REEP3: variants seen among roughly 807,000 people sequenced by gnomAD.
REEP3 encodes receptor expression-enhancing protein 3.
Under a neutral mutation model 41.3 loss-of-function variants are expected in REEP3, and 20 were observed. That is an observed-to-expected ratio of 0.48 (90% confidence interval 0.34 to 0.70). The LOEUF is 0.70. REEP3 is among the 30% of genes least tolerant of loss of function. The probability of loss-of-function intolerance (pLI) is 0.01; values close to 1 mark genes in which losing one functional copy is unlikely to be tolerated. For missense variants in REEP3, 271 were observed against 308.8 expected (o/e 0.88, Z 0.92); for synonymous variants, 104 against 101.8 (o/e 1.02, Z -0.13).
Position 63,599,083 on chromosome 10 carries a change from T to C in REEP3, c.304-87T>C, listed in dbSNP as rs149775828. 121 of 657,014 alleles carry C rather than the reference T, an allele frequency of 1.8e-4. No individual in the cohort carries two copies. In the African/African-American group the frequency reaches 2.0e-3, roughly 11 times the overall value. 40.7% of individuals were successfully genotyped at this position (657,014 alleles called of 1,614,324 possible). A position where few individuals can be genotyped will look rare whatever the true frequency, so the allele number is the denominator to read the frequency against. Reference sequence around the variant, plus strand: ...CACATGCTTAATGCTATAAAATTAATGAAACTATTATAGGGAGAATGTTCT... The same window carrying C: ...CACATGCTTAATGCTATAAAATTAACGAAACTATTATAGGGAGAATGTTCT... On this transcript the variant is annotated intron_variant, in intron 4 of 7. Transcript: ENST00000373758.
At chr10:63,578,181 C>A (rs1209226390) in intron 2 of REEP3, among the ~76,000 whole-genome samples, 1 of 152,152 alleles carries the variant, frequency 6.6e-6, no homozygotes, top group East Asian at 1.9e-4. Context: ...CTCAGTGCAA[C>A]CTCCACCTCG....
intron 1 of REEP3, among the ~76,000 whole-genome samples, chr10:63,551,308 G>A (rs1471414198): frequency 2.0e-5 from 3 of 152,152 alleles, no homozygotes; most frequent in African/African-American, 7.2e-5. Flanking sequence ...AGTAGTATTG[G>A]ATTATACCAT....
At chr10:63,527,430 G>A (rs1446393968) in intron 1 of REEP3, among the ~76,000 whole-genome samples, 2 of 152,106 alleles carry the variant, frequency 1.3e-5, no homozygotes, top group African/African-American at 4.8e-5. Flanking sequence ...CCAACACTTT[G>A]GGAGGCTGAT....
At chr10:63,558,947 A>G (rs143024309) in intron 1 of REEP3, among the ~76,000 whole-genome samples, 17 of 152,014 alleles carry the variant, frequency 1.1e-4, no homozygotes, top group African/African-American at 3.6e-4. Context: ...GTTTACCTCT[A>G]GTCTCATTGA....
intron 1 of REEP3, among the ~76,000 whole-genome samples, chr10:63,530,378 C>T (rs1264836084): frequency 3.3e-5 from 5 of 152,098 alleles, no homozygotes; most frequent in Non-Finnish European, 7.4e-5. Context: ...GAATAGCTTA[C>T]ATGTTCATGA....
chr10:63,591,803 A>G (rs1356272803), intron 2 of REEP3, among the ~76,000 whole-genome samples: 2 of 152,180 alleles, frequency 1.3e-5, no homozygotes, highest in African/African-American at 2.4e-5. Context: ...TCATTCCACA[A>G]TTCGTCATTC....
chr10:63,545,690 T>G (rs979942529), intron 1 of REEP3, among the ~76,000 whole-genome samples: 1 of 140,796 alleles, frequency 7.1e-6, no homozygotes, highest in Non-Finnish European at 1.5e-5. Context: ...GTTTTTTTTT[T>G]TTTTTTTTTT....
Position 63,529,533 on chromosome 10 carries a change from G to A in REEP3, c.32+7956G>A, listed in dbSNP as rs542851628. ...AGTACAGTGCAGTGACATGATCCTGGTTCACTGGAGCCTCAAACTCCTGAG... is the reference window on the plus strand; with the variant it reads ...AGTACAGTGCAGTGACATGATCCTGATTCACTGGAGCCTCAAACTCCTGAG... On this transcript the variant is annotated intron_variant, in intron 1 of 7. Transcript: ENST00000373758. Among the ~76,000 whole-genome samples the A allele has an allele frequency of 2.6e-5, 4 of 152,134 alleles. No individual in the cohort carries two copies. The South Asian group carries it at 8.3e-4, about 32-fold the overall frequency.
At chr10:63,562,911 A>G (rs1356709354) in intron 1 of REEP3, 1 of 456,508 alleles carries the variant, frequency 2.2e-6, no homozygotes, top group East Asian at 7.0e-5. Flanking sequence ...GAATGTGACT[A>G]CGTTTGGAGT....
intron 2 of REEP3, among the ~76,000 whole-genome samples, chr10:63,590,899 G>A (rs1029141632): frequency 6.6e-6 from 1 of 152,034 alleles, no homozygotes; most frequent in African/African-American, 2.4e-5. Context: ...TAGCTTAAAA[G>A]GTGATTTGTG....
chr10:63,565,782 C>A (rs904854919), intron 1 of REEP3, among the ~76,000 whole-genome samples: 3 of 151,982 alleles, frequency 2.0e-5, no homozygotes, highest in Non-Finnish European at 2.9e-5. Context: ...GTTCAAGGAA[C>A]CACAGAATAT....
intron 1 of REEP3, among the ~76,000 whole-genome samples, chr10:63,557,863 A>G (rs1268425052): frequency 1.3e-5 from 2 of 152,248 alleles, no homozygotes; most frequent in Non-Finnish European, 2.9e-5. Flanking sequence ...ATAGTAGAAC[A>G]ACAGATTTGA....
At chr10:63,534,370 C>T (rs950700150) in intron 1 of REEP3, among the ~76,000 whole-genome samples, 12 of 152,122 alleles carry the variant, frequency 7.9e-5, no homozygotes, top group Non-Finnish European at 1.6e-4. Flanking sequence ...CCTGCTTCCA[C>T]CTCCTAAGTA....
At position 63,530,587 on chromosome 10, in the gene REEP3, A is replaced by G. The variant is rs1955411350; in HGVS notation, c.32+9010A>G. On this transcript the variant is annotated intron_variant, in intron 1 of 7. Coordinates refer to ENST00000373758, the MANE Select transcript of REEP3 (RefSeq NM_001001330.3). ...AACTATTGGGTCTTGTTTTCACTGC[A>G]TGGGCTAGAACTTCCAACAAGATTC... is the stretch of plus-strand genomic sequence containing the variant. Among the ~76,000 whole-genome samples, 3 of 152,214 alleles carry G rather than the reference A, an allele frequency of 2.0e-5. 1 individual carries two copies. Among genetic ancestry groups the G allele is most frequent in the South Asian group, 4.1e-4 (2 of 4,834 alleles).
intron 1 of REEP3, chr10:63,562,999 T>A: frequency 2.2e-6 from 1 of 456,494 alleles, no homozygotes; most frequent in Middle Eastern, 3.3e-4. Flanking sequence ...GGCTTCCTTC[T>A]AAGAAGAGAT....
chr10:63,541,178 C>G (rs1472216482), intron 1 of REEP3, among the ~76,000 whole-genome samples: 3 of 152,162 alleles, frequency 2.0e-5, no homozygotes, highest in African/African-American at 7.2e-5. Flanking sequence ...CATCTTCCCT[C>G]AGAATTATCA....
At chr10:63,554,116 A>C (rs899798182) in intron 1 of REEP3, among the ~76,000 whole-genome samples, 1 of 151,188 alleles carries the variant, frequency 6.6e-6, no homozygotes, top group Non-Finnish European at 1.5e-5. Context: ...AAAAAAAAAA[A>C]CCTTAGATTG....
intron 5 of REEP3, chr10:63,606,083 A>C (rs1389802811): frequency 1.1e-6 from 1 of 932,632 alleles, no homozygotes; most frequent in Non-Finnish European, 1.3e-6. Flanking sequence ...TTCTCATCAT[A>C]ATCTCTGTTA....
intron 6 of REEP3, among the ~76,000 whole-genome samples, chr10:63,616,249 C>T (rs1322295482): frequency 6.6e-6 from 1 of 152,150 alleles, no homozygotes; most frequent in East Asian, 1.9e-4. Flanking sequence ...TCTCATAACC[C>T]ACCCTTTCCA....
Sources: gnomAD v4.1 joint callset for allele counts (sites outside exome capture counted in the v4.1 genomes callset) on GRCh38, gnomAD v4.1.1 for gene constraint, MANE v1.5 for transcripts, NCBI Gene and HGNC (gene_info 2026-07-23, HGNC 2026-07-21) for gene names.